GMDS: variants seen among roughly 807,000 people sequenced by gnomAD.
The protein encoded by GMDS is GDP-mannose 4,6-dehydratase.
Under a neutral mutation model 49.9 loss-of-function variants are expected in GMDS, and 20 were observed. That is an observed-to-expected ratio of 0.40 (90% confidence interval 0.28 to 0.58). The LOEUF is 0.58. Among genes scored for constraint, GMDS ranks in the 20% least tolerant of loss-of-function variants. GMDS has a pLI of 0.42. For missense variants in GMDS, 362 were observed against 481.4 expected (o/e 0.75, Z 2.32); for synonymous variants, 177 against 178.6 (o/e 0.99, Z 0.07).
At chr6:1,999,472 T>G (rs1363883074) in intron 4 of GMDS, among the ~76,000 whole-genome samples, 1 of 151,890 alleles carries the variant, frequency 6.6e-6, no homozygotes, top group Admixed American at 6.6e-5. Flanking sequence ...CAGACTAGCT[T>G]AAAAGTTTGC....
chr6:1,876,015 C>CA (rs112121475), intron 7 of GMDS, among the ~76,000 whole-genome samples: 66,307 of 128,972 alleles, frequency 0.51, 18,165 homozygotes, highest in Non-Finnish European at 0.64. Context: ...AGCACTATCT[C>CA]AAAAAAAAAA....
At chr6:1,990,223 G>A (rs946750939) in intron 4 of GMDS, among the ~76,000 whole-genome samples, 5 of 152,308 alleles carry the variant, frequency 3.3e-5, no homozygotes, top group South Asian at 2.1e-4. Context: ...TTGAACCCGG[G>A]AGGCGGAGTT....
At chr6:1,990,879 C>G (rs530353141) in intron 4 of GMDS, among the ~76,000 whole-genome samples, 1 of 152,070 alleles carries the variant, frequency 6.6e-6, no homozygotes, top group Non-Finnish European at 1.5e-5. Flanking sequence ...CCTCCGTGCC[C>G]GGCCAACTGT....
intron 9 of GMDS, among the ~76,000 whole-genome samples, chr6:1,674,070 G>C (rs1764517489): frequency 6.6e-6 from 1 of 151,882 alleles, no homozygotes; most frequent in South Asian, 2.1e-4. Flanking sequence ...TGATTGCGTA[G>C]TGAAACCATC....
At chr6:2,054,756 G>T (rs919782981) in intron 4 of GMDS, among the ~76,000 whole-genome samples, 1 of 150,572 alleles carries the variant, frequency 6.6e-6, no homozygotes, top group East Asian at 1.9e-4. Context: ...ACCCAGGGGG[G>T]GAAAAAAAAA....
chr6:2,198,102 G>A (rs2127573987), intron 1 of GMDS, among the ~76,000 whole-genome samples: 1 of 152,334 alleles, frequency 6.6e-6, no homozygotes, highest in Middle Eastern at 3.4e-3. Context: ...GGGAAAGTGT[G>A]TGAAATTTAC....
intron 9 of GMDS, among the ~76,000 whole-genome samples, chr6:1,654,358 T>TA (rs1049001187): frequency 1.3e-5 from 2 of 152,214 alleles, no homozygotes; most frequent in Non-Finnish European, 2.9e-5. Context: ...GGAGGGAACC[T>TA]AAGTGTCCGT....
intron 4 of GMDS, among the ~76,000 whole-genome samples, chr6:1,987,676 G>A (rs1765643333): frequency 6.6e-6 from 1 of 152,130 alleles, no homozygotes; most frequent in African/African-American, 2.4e-5. Context: ...AAAGGGAGAG[G>A]ACGTTGGGTT....
At chr6:1,851,945 T>C (rs1056488618) in intron 7 of GMDS, among the ~76,000 whole-genome samples, 2 of 152,142 alleles carry the variant, frequency 1.3e-5, no homozygotes, top group Non-Finnish European at 2.9e-5. Flanking sequence ...TCTGTGACCA[T>C]GGGTACTAAC....
intron 1 of GMDS, among the ~76,000 whole-genome samples, chr6:2,204,180 T>G (rs1223879046): frequency 6.6e-6 from 1 of 152,198 alleles, no homozygotes; most frequent in African/African-American, 2.4e-5. Context: ...TGGGCTGGTC[T>G]GTGATCGGGT....
chr6:2,233,652 T>G (rs577204960), intron 1 of GMDS, among the ~76,000 whole-genome samples: 2 of 152,104 alleles, frequency 1.3e-5, no homozygotes, highest in South Asian at 4.2e-4. Flanking sequence ...AAACCCCAAT[T>G]CTACTAAAAA....
At chr6:1,761,554 A>G (rs994867335) in intron 7 of GMDS, among the ~76,000 whole-genome samples, 1 of 152,240 alleles carries the variant, frequency 6.6e-6, no homozygotes, top group South Asian at 2.1e-4. Flanking sequence ...TCTGAGGAGC[A>G]AGCTTTTCTG....
chr6:2,086,194 TCTCTGTGGTAC>T lies in GMDS; in HGVS notation c.345+29566_345+29576del, dbSNP rs543718971. 3.2e-3 allele frequency among the ~76,000 whole-genome samples: 481 copies of T among 152,264 alleles called. 4 individuals carry two copies. Among genetic ancestry groups the T allele is most frequent in the Non-Finnish European group, 6.0e-3 (411 of 68,008 alleles). On this transcript the variant is annotated intron_variant, in intron 4 of 10. Coordinates refer to ENST00000380815, the MANE Select transcript of GMDS (RefSeq NM_001500.4). The stretch of plus-strand genomic sequence containing the variant: ...CCCACTAGCCATGACTCTAAATCAA[TCTCTGTGGTAC>T]CATTCACCCAGCAATTGTGCCTCCT...
At chr6:1,745,951 G>T (rs1253055930) in intron 7 of GMDS, among the ~76,000 whole-genome samples, 1 of 152,210 alleles carries the variant, frequency 6.6e-6, no homozygotes, top group Non-Finnish European at 1.5e-5. Context: ...CCGTCGTAAT[G>T]CTAGATCATG....
chr6:1,874,571 G>T (rs1194854921), intron 7 of GMDS, among the ~76,000 whole-genome samples: 1 of 152,144 alleles, frequency 6.6e-6, no homozygotes, highest in Non-Finnish European at 1.5e-5. Flanking sequence ...AAATGTAGCT[G>T]TCGTTATCCT....
chr6:2,102,660 G>A (rs916493327), intron 4 of GMDS, among the ~76,000 whole-genome samples: 1 of 152,172 alleles, frequency 6.6e-6, no homozygotes, highest in Admixed American at 6.5e-5. Context: ...GCAGTCACCT[G>A]CAAAACATAT....
intron 7 of GMDS, among the ~76,000 whole-genome samples, chr6:1,753,363 C>G (rs1767810148): frequency 6.6e-6 from 1 of 152,012 alleles, no homozygotes; most frequent in South Asian, 2.1e-4. Flanking sequence ...ATATATGCAC[C>G]CAATACAGGA....
intron 1 of GMDS, among the ~76,000 whole-genome samples, chr6:2,214,632 T>C (rs775699142): frequency 1.8e-4 from 27 of 152,216 alleles, no homozygotes; most frequent in Admixed American, 2.0e-4. Context: ...CTATCCTTCA[T>C]GGATACCAAG....
At chr6:2,131,266 A>C (rs1414342927) in intron 1 of GMDS, among the ~76,000 whole-genome samples, 2 of 152,210 alleles carry the variant, frequency 1.3e-5, no homozygotes, top group Non-Finnish European at 2.9e-5. Flanking sequence ...AATTTAGGCA[A>C]ACTCTATAAG....
Sources: allele counts gnomAD v4.1 joint callset (sites outside exome capture counted in the v4.1 genomes callset), GRCh38; gene constraint gnomAD v4.1.1; transcripts MANE v1.5; gene names NCBI Gene and HGNC (gene_info 2026-07-23, HGNC 2026-07-21).